Variants in ARID3A observed in about 807,000 individuals in gnomAD.
ARID3A encodes AT-rich interactive domain-containing protein 3A.
Under a neutral mutation model 52.7 loss-of-function variants are expected in ARID3A, and 11 were observed. The observed-to-expected ratio is 0.21, with a 90% confidence interval of 0.13 to 0.35. ARID3A has a LOEUF of 0.35. Ranked by LOEUF, ARID3A falls within the 10% of genes least tolerant of loss-of-function variation. The pLI is 1.00. For synonymous variants in ARID3A, 404 were observed against 359.4 expected, an observed-to-expected ratio of 1.12 and a Z score of -1.40; for missense variants, 721 against 838.5, an observed-to-expected ratio of 0.86 and a Z score of 1.73.
chr19:934,769 G>A (rs1279751765), intron 3 of ARID3A, among the ~76,000 whole-genome samples: 2 of 152,286 alleles, frequency 1.3e-5, no homozygotes, highest in Admixed American at 6.5e-5. Context: ...CCGCCCTGCA[G>A]TCCTGTGACT....
At position 929,186 on chromosome 19, in the gene ARID3A, A is replaced by G. The variant is rs350145; in HGVS notation, c.-267-76A>G. 0.84 allele frequency: 139,989 copies of G among 166,316 alleles called. 59,031 individuals are homozygous for G. Among genetic ancestry groups the G allele is most frequent in the East Asian group, 1 (6,994 of 7,002 alleles). 10.3% of individuals were successfully genotyped at this position (166,316 alleles called of 1,614,324 possible). ...GAGATGGACATGAGAGCTGATCCCC[A>G]GGGCCTTCATGGGGAAGGAAGGAGG... On this transcript the variant is annotated intron_variant, in intron 1 of 8. Coordinates refer to ENST00000263620, the MANE Select transcript of ARID3A (RefSeq NM_005224.3). This position sits in a 1 kb window ranked among gnomAD's most constrained non-coding sequence, Gnocchi z 6.2.
Position 948,702 on chromosome 19 carries a change from CTTTT to C in ARID3A, c.694-11368_694-11365del, listed in dbSNP as rs35592836. On this transcript the variant is annotated intron_variant, in intron 3 of 8. Transcript: ENST00000263620. ...GGGGACGAGGGATGAGGCCTGGAGTCTTTTTTTTTTTTTTTTTTTTTTTTTGAGA... is the reference window on the plus strand; with the variant it reads ...GGGGACGAGGGATGAGGCCTGGAGTCTTTTTTTTTTTTTTTTTTTTTGAGA... Among the ~76,000 whole-genome samples the C allele has an allele frequency of 7.8e-5, 6 of 77,286 alleles. No homozygotes were observed. The East Asian group carries it at 2.1e-3, about 27-fold the overall frequency. 50.7% of individuals were successfully genotyped at this position (77,286 alleles called of 152,430 possible).
In ARID3A at chr19:974,967, A is replaced by G. The variant is rs1056144; in HGVS notation, c.*2902A>G. The G allele has an allele frequency of 0.66, 152,726 of 230,920 alleles. 51,704 individuals carry two copies. The highest frequency in any genetic ancestry group is 0.76 in the Middle Eastern group (591 of 782). The allele number at this position is 230,920 out of a possible 1,614,324, so 14.3% of individuals were successfully genotyped here. Reference sequence around the variant, plus strand: ...CCGTGGAAATGGGAGGCGGTTGCAGAGGGTCTATGGGGCCCGGTCCTGGAT... The same window carrying G: ...CCGTGGAAATGGGAGGCGGTTGCAGGGGGTCTATGGGGCCCGGTCCTGGAT... On this transcript the variant is annotated 3_prime_UTR_variant, in exon 9 of 9. Coordinates refer to ENST00000263620, the MANE Select transcript of ARID3A (RefSeq NM_005224.3).
Position 938,517 on chromosome 19 carries a change from A to T in ARID3A, c.693+5775A>T, listed in dbSNP as rs1169995632. On this transcript the variant is annotated intron_variant, in intron 3 of 8. Coordinates refer to ENST00000263620, the MANE Select transcript of ARID3A (RefSeq NM_005224.3). The surrounding 1 kb of genome is among the most constrained non-coding windows in gnomAD (Gnocchi z 4.0). ...GACCCCCGGGATGCACCTGCCAGAG[A>T]GGACCCAGCGGTGTGTGGATGGATG... Among the ~76,000 whole-genome samples the T allele has an allele frequency of 6.6e-6, 1 of 152,214 alleles. No individual in the cohort carries two copies. The highest frequency in any genetic ancestry group is 2.4e-5 in the African/African-American group (1 of 41,452).
In ARID3A at chr19:944,554, C is replaced by A. The variant is rs563560634; in HGVS notation, c.693+11812C>A. On this transcript the variant is annotated intron_variant, in intron 3 of 8. Transcript: ENST00000263620. The surrounding 1 kb of genome is among the most constrained non-coding windows in gnomAD (Gnocchi z 5.9). Reference sequence around the variant, plus strand: ...GTCTTCCGGGCAAGTGAGCGTCCCCCACCCAGGACCCCCGACCCCGGCCCT... The same window carrying A: ...GTCTTCCGGGCAAGTGAGCGTCCCCAACCCAGGACCCCCGACCCCGGCCCT... Among the ~76,000 whole-genome samples, 1 of 152,216 alleles carries A rather than the reference C, an allele frequency of 6.6e-6. No individual in the cohort carries two copies. Among genetic ancestry groups the A allele is most frequent in the Non-Finnish European group, 1.5e-5 (1 of 68,024 alleles).
Position 929,854 on chromosome 19 carries a change from C to T in ARID3A, c.326C>T (p.Pro109Leu). Residue 109 changes from proline to leucine, a missense_variant, in exon 2 of 9, where the codon CCA becomes CTA. This residue lies in a region of ARID3A where 349 missense variants were observed against 297.3 expected (regional missense o/e 1.17). Coordinates refer to ENST00000263620, the MANE Select transcript of ARID3A (RefSeq NM_005224.3). The surrounding 1 kb of genome is among the most constrained non-coding windows in gnomAD (Gnocchi z 6.2). ...TCACCCGGGCGAGGCAGAGAAGGGC[C>T]AGGAGAGGAGCACTTTGAGGACATG... ...PGSPGRGREG[P>L]GEEHFEDMAS... 6.5e-7 allele frequency: 1 copy of T among 1,544,528 alleles called. No individual in the cohort carries two copies.
At chr19:936,763 A>C (rs1057505970) in intron 3 of ARID3A, among the ~76,000 whole-genome samples, 2 of 151,972 alleles carry the variant, frequency 1.3e-5, no homozygotes, top group African/African-American at 4.8e-5. Context: ...AATCACTTGA[A>C]CTCAGAAGCA....
chr19:948,384 G>A (rs950431667), intron 3 of ARID3A, among the ~76,000 whole-genome samples: 4 of 152,140 alleles, frequency 2.6e-5, no homozygotes, highest in Non-Finnish European at 5.9e-5. Flanking sequence ...GGGAGTTTCC[G>A]GGACGGGAAA....
intron 3 of ARID3A, among the ~76,000 whole-genome samples, chr19:939,244 G>C (rs1041092600): frequency 2.6e-5 from 4 of 151,806 alleles, no homozygotes; most frequent in Non-Finnish European, 4.4e-5. Context: ...TCAGCCTCCA[G>C]AGTAGCTGGG....
At chr19:945,160 G>C (rs964965964) in intron 3 of ARID3A, among the ~76,000 whole-genome samples, 1 of 152,188 alleles carries the variant, frequency 6.6e-6, no homozygotes, top group Non-Finnish European at 1.5e-5. Flanking sequence ...AATGCCACCT[G>C]GGGGGAGAGA....
rs556032469 is a variant in ARID3A at position 938,151 on chromosome 19, G to A, written c.693+5409G>A. ...GAGCCACCGCGCCCGGCCTGTTGTC[G>A]ACTTTTGATCCTAGCCTCCTTGTGG... On this transcript the variant is annotated intron_variant, in intron 3 of 8. Coordinates refer to ENST00000263620, the MANE Select transcript of ARID3A (RefSeq NM_005224.3). This position sits in a 1 kb window ranked among gnomAD's most constrained non-coding sequence, Gnocchi z 4.0. Among the ~76,000 whole-genome samples the A allele has an allele frequency of 2.0e-4, 31 of 151,980 alleles. No individual in the cohort carries two copies. Among genetic ancestry groups the A allele is most frequent in the African/African-American group, 7.0e-4 (29 of 41,312 alleles).
rs535319276 is a variant in ARID3A, at chr19:964,817, C to T, written c.951-16C>T. On this transcript the variant is annotated splice_polypyrimidine_tract_variant and intron_variant, in intron 5 of 8. Coordinates refer to ENST00000263620, the MANE Select transcript of ARID3A (RefSeq NM_005224.3). The surrounding 1 kb of genome is among the most constrained non-coding windows in gnomAD (Gnocchi z 5.7). ...GGTGACCCGGGTGCCATCCTCTTCC[C>T]TCGTCCCACCCACAGATACATGAAG... The T allele has an allele frequency of 4.5e-5, 72 of 1,607,558 alleles. 1 individual carries two copies. In the Admixed American group the frequency reaches 5.9e-4, roughly 13 times the overall value.
At position 929,364 on chromosome 19, in the gene ARID3A, C is replaced by CG; in HGVS notation, c.-165_-164insG. On this transcript the variant is annotated 5_prime_UTR_variant, in exon 2 of 9. Coordinates refer to ENST00000263620, the MANE Select transcript of ARID3A (RefSeq NM_005224.3). The surrounding 1 kb of genome is among the most constrained non-coding windows in gnomAD (Gnocchi z 6.2). ...TCAGCCTTCAGCTTGAGCCCGGCGG[C>CG]CCCCGCCCCCGCCCCCTGCCACCCT... 1.7e-5 allele frequency: 3 copies of CG among 172,952 alleles called. No homozygotes were observed. The highest frequency in any genetic ancestry group is 1.7e-4 in the East Asian group (1 of 5,908). 10.7% of individuals were successfully genotyped at this position (172,952 alleles called of 1,614,324 possible).
rs768761997 is a variant in ARID3A at position 932,472 on chromosome 19, GGAGGAGGAGGAGGATTACGAGGAT to G, written c.438_461del (p.Asp146_Glu153del). ...AGGAAGACCTCGGGGAGGATGAGGAGGAGGAGGAGGAGGATTACGAGGATGAGGAGGAGGAGGAGGACGAGGAGG... is the reference window on the plus strand; with the variant it reads ...AGGAAGACCTCGGGGAGGATGAGGAGGAGGAGGAGGAGGAGGACGAGGAGG... On this transcript the variant is annotated inframe_deletion, in exon 3 of 9. Transcript: ENST00000263620. 1 of 1,575,266 alleles carries G rather than the reference GGAGGAGGAGGAGGATTACGAGGAT, an allele frequency of 6.3e-7. No individual in the cohort carries two copies. The highest frequency in any genetic ancestry group is 8.6e-7 in the Non-Finnish European group (1 of 1,167,056).
At chr19:928,513 GGGAGGCTCTGT>G (rs2145338268) in intron 1 of ARID3A, 1 of 152,244 alleles carries the variant, frequency 6.6e-6, no homozygotes, top group East Asian at 1.9e-4. Flanking sequence ...GGGTCTGCGT[GGGAGGCTCTGT>G]GGTCACCCAG....
In ARID3A at chr19:947,787, G is replaced by A. The variant is rs1446982215; in HGVS notation, c.694-12305G>A. On this transcript the variant is annotated intron_variant, in intron 3 of 8. Coordinates refer to ENST00000263620, the MANE Select transcript of ARID3A (RefSeq NM_005224.3). The surrounding 1 kb of genome is among the most constrained non-coding windows in gnomAD (Gnocchi z 6.3). Reference sequence around the variant, plus strand: ...CGGCGCTGTGTATTTCCAGAGAGGGGACTCGGGGCCCATCAGGGCCGGGGG... The same window carrying A: ...CGGCGCTGTGTATTTCCAGAGAGGGAACTCGGGGCCCATCAGGGCCGGGGG... 6.6e-6 allele frequency among the ~76,000 whole-genome samples: 1 copy of A among 152,240 alleles called. No homozygotes were observed. The highest frequency in any genetic ancestry group is 6.5e-5 in the Admixed American group (1 of 15,288).
chr19:973,627 C>T lies in ARID3A; in HGVS notation c.*1562C>T. On this transcript the variant is annotated 3_prime_UTR_variant, in exon 9 of 9. Coordinates refer to ENST00000263620, the MANE Select transcript of ARID3A (RefSeq NM_005224.3). The stretch of plus-strand genomic sequence containing the variant: ...CTCACTCAGGGTGAGGATTTCAGGG[C>T]CCCGGCATCCTGAACACCCCCCACA... 4.4e-6 allele frequency: 1 copy of T among 224,876 alleles called. No individual in the cohort carries two copies. Among genetic ancestry groups the T allele is most frequent in the Non-Finnish European group, 8.9e-6 (1 of 112,740 alleles). The allele number at this position is 224,876 out of a possible 1,614,324, so 13.9% of individuals were successfully genotyped here.
intron 3 of ARID3A, among the ~76,000 whole-genome samples, chr19:933,849 G>GC (rs1192968941): frequency 6.7e-6 from 1 of 148,198 alleles, no homozygotes; most frequent in African/African-American, 2.5e-5. Flanking sequence ...GACTCGGTGG[G>GC]GGGGGGGGGC....
chr19:955,892 G>A (rs1005281820), intron 3 of ARID3A, among the ~76,000 whole-genome samples: 3 of 152,118 alleles, frequency 2.0e-5, no homozygotes, highest in South Asian at 2.1e-4. Flanking sequence ...TTCTCCCTCC[G>A]TCCTGGAGCC....
Sources: allele counts gnomAD v4.1 joint callset (sites outside exome capture counted in the v4.1 genomes callset), GRCh38; gene constraint gnomAD v4.1.1; regional missense constraint gnomAD v4.1.1; non-coding constraint Gnocchi (gnomAD v3.1); transcripts MANE v1.5; gene names NCBI Gene and HGNC (gene_info 2026-07-23, HGNC 2026-07-21).